TP53BP1: variants seen among roughly 807,000 people sequenced by gnomAD.
The protein encoded by TP53BP1 is tumor protein p53 binding protein 1.
A neutral mutation model predicts 200.8 loss-of-function variants in TP53BP1; 61 were observed. The ratio of observed to expected loss-of-function variants is 0.30; its 90% CI spans 0.25 to 0.38. TP53BP1 has a LOEUF of 0.38. Among genes scored for constraint, TP53BP1 ranks in the 10% least tolerant of loss-of-function variants. TP53BP1 has a pLI of 1.00. For synonymous variants in TP53BP1, 822 were observed against 844.3 expected (o/e 0.97, Z 0.46); for missense variants, 2,144 against 2,371.9 (o/e 0.90, Z 2.00).
intron 12 of TP53BP1, among the ~76,000 whole-genome samples, chr15:43,454,152 C>CT (rs2046238487): frequency 6.6e-6 from 1 of 151,346 alleles, no homozygotes; most frequent in African/African-American, 2.4e-5. Context: ...TTGCAGTGAG[C>CT]TGAGATTGCG....
chr15:43,474,794 T>C, intron 9 of TP53BP1, 27 bp from the exon 10 acceptor site: 2 of 1,488,882 alleles, frequency 1.3e-6, no homozygotes, highest in South Asian at 2.3e-5. Context: ...AATCACAGGT[T>C]ATTTTACCAT....
chr15:43,448,714 T>C (rs1407492626), intron 12 of TP53BP1, among the ~76,000 whole-genome samples: 1 of 151,994 alleles, frequency 6.6e-6, no homozygotes, highest in Non-Finnish European at 1.5e-5. Context: ...TAATTTTTTG[T>C]ATTTTTAGTA....
At chr15:43,408,816 A>G (rs2045014916) in intron 26 of TP53BP1, 81 bp downstream of exon 26, 12 of 1,392,910 alleles carry the variant, frequency 8.6e-6, no homozygotes, top group African/African-American at 2.8e-5. Context: ...AGAAAGCTTT[A>G]CTCTCTCACC....
chr15:43,463,589 T>C (rs2046491606), intron 11 of TP53BP1, among the ~76,000 whole-genome samples: 1 of 152,160 alleles, frequency 6.6e-6, no homozygotes, highest in Non-Finnish European at 1.5e-5. Flanking sequence ...AAGGGATTTT[T>C]CTTAAGCACA....
At chr15:43,451,627 T>C (rs2046172950) in intron 12 of TP53BP1, among the ~76,000 whole-genome samples, 1 of 152,218 alleles carries the variant, frequency 6.6e-6, no homozygotes, top group South Asian at 2.1e-4. Flanking sequence ...CTATTGTGAA[T>C]AGTGCCGCAA....
intron 23 of TP53BP1, chr15:43,415,300 C>T (rs548522062): frequency 3.0e-5 from 13 of 430,210 alleles, no homozygotes; most frequent in Admixed American, 6.8e-5. Context: ...CTCCGCCTTC[C>T]TGGGTTCAAG....
intron 4 of TP53BP1, among the ~76,000 whole-genome samples, chr15:43,484,861 C>T (rs1254398066): frequency 6.6e-6 from 1 of 152,018 alleles, no homozygotes; most frequent in Non-Finnish European, 1.5e-5. Context: ...AGCGATCCTC[C>T]CACCTCAGCC....
chr15:43,489,243 C>T (rs2079088309), intron 4 of TP53BP1, among the ~76,000 whole-genome samples: 1 of 152,218 alleles, frequency 6.6e-6, no homozygotes, highest in Non-Finnish European at 1.5e-5. Flanking sequence ...ATAAGCTCCA[C>T]AATGGCAAAA....
In TP53BP1 at chr15:43,479,313, C is replaced by A. The variant is rs45590738; in HGVS notation, c.788+84G>T. On this transcript the variant is annotated intron_variant, in intron 7 of 27. Transcript: ENST00000382044. ...AAAATAATTTAAAAATCAACAATTT[C>A]TAAAAATGTTTTCATCTGGTAAAAT... 1.9e-3 allele frequency: 2,550 copies of A among 1,358,306 alleles called. 69 individuals are homozygous for A. The East Asian group carries it at 0.032, about 17-fold the overall frequency. The allele number at this position is 1,358,306 out of a possible 1,614,324, so 84.1% of individuals were successfully genotyped here.
intron 16 of TP53BP1, among the ~76,000 whole-genome samples, chr15:43,435,598 C>A (rs1566932073): frequency 6.6e-6 from 1 of 152,144 alleles, no homozygotes; most frequent in Non-Finnish European, 1.5e-5. Context: ...CAAGCTCACA[C>A]TTATTCAGAA....
chr15:43,490,103 A>G (rs1164274128), intron 4 of TP53BP1, among the ~76,000 whole-genome samples: 1 of 149,980 alleles, frequency 6.7e-6, no homozygotes, highest in Admixed American at 6.7e-5. Context: ...ATTTTATTTT[A>G]TTTTGAGACA....
intron 21 of TP53BP1, 147 bp downstream of exon 21, chr15:43,420,158 A>C (rs2045361299): frequency 2.6e-6 from 2 of 769,912 alleles, no homozygotes; most frequent in Non-Finnish European, 4.3e-6. Context: ...AGTCAGTGGC[A>C]AGAGTAACCA....
chr15:43,495,824 A>T (rs2079179980), upstream of TP53BP1, among the ~76,000 whole-genome samples: 1 of 152,128 alleles, frequency 6.6e-6, no homozygotes, highest in South Asian at 2.1e-4. Flanking sequence ...CTCAAAAAAA[A>T]AAAAAAAGCC....
chr15:43,424,905 C>G (rs2045490624), intron 18 of TP53BP1, among the ~76,000 whole-genome samples: 1 of 152,320 alleles, frequency 6.6e-6, no homozygotes, highest in South Asian at 2.1e-4. Flanking sequence ...GGGCTCTGCC[C>G]TCATGAATGG....
At chr15:43,441,416 A>T in intron 15 of TP53BP1, 110 bp downstream of exon 15, 1 of 756,802 alleles carries the variant, frequency 1.3e-6, no homozygotes, top group Admixed American at 2.0e-5. Flanking sequence ...TTTATGAAAG[A>T]GTCTCATTTT....
intron 4 of TP53BP1, 97 bp from the exon 5 acceptor site, chr15:43,481,119 C>G: frequency 1.4e-6 from 2 of 1,457,202 alleles, no homozygotes; most frequent in Non-Finnish European, 9.4e-7. Context: ...CATCTCTTAG[C>G]CAAACTTGAA....
Position 43,428,069 on chromosome 15 carries a change from T to C in TP53BP1, c.3775A>G (p.Ile1259Val). 6.2e-7 allele frequency: 1 copy of C among 1,613,120 alleles called. No homozygotes were observed. The change falls in exon 18 of 28, where the codon ATT becomes GTT. Residue 1259 changes from isoleucine (I) to valine (V), a missense_variant. By Grantham distance (29) the Ile-to-Val change is conservative. Transcript: ENST00000382044. The stretch of plus-strand genomic sequence containing the variant: ...CCATCCACATAATACACATCTGTAA[T>C]GACACGAGTGACAAGTGTGCGTACT... ...REVRTLVTRV[I>V]TDVYYVDGTE...
intron 26 of TP53BP1, 110 bp downstream of exon 26, chr15:43,408,787 C>CACAG: frequency 1.8e-6 from 2 of 1,105,322 alleles, no homozygotes; most frequent in South Asian, 2.9e-5. Flanking sequence ...AAATTTATCC[C>CACAG]ACAGACATTC....
chr15:43,464,151 T>A (rs896212560), intron 11 of TP53BP1, among the ~76,000 whole-genome samples: 1 of 152,152 alleles, frequency 6.6e-6, no homozygotes, highest in Non-Finnish European at 1.5e-5. Context: ...TATTTCACTC[T>A]TGAACATCAG....
Sources: gnomAD v4.1 joint callset for allele counts (sites outside exome capture counted in the v4.1 genomes callset) on GRCh38, gnomAD v4.1.1 for gene constraint, MANE v1.5 for transcripts, NCBI Gene and HGNC (gene_info 2026-07-23, HGNC 2026-07-21) for gene names.